The following AIG1 variants were observed in gnomAD, a reference collection of about 807,000 sequenced individuals.
AIG1 encodes the protein androgen-induced gene 1 protein.
In AIG1, 23 loss-of-function variants were observed where a neutral mutation model predicts 31.4. That is an observed-to-expected ratio of 0.73 (90% CI 0.53 to 1.04). The LOEUF (loss-of-function observed/expected upper bound fraction) is 1.04. Ranked by LOEUF, AIG1 falls within the 50% of genes least tolerant of loss-of-function variation. AIG1 has a pLI of 0.00. For synonymous variants in AIG1, 100 were observed against 110.5 expected (o/e 0.90, Z 0.60); for missense variants, 274 against 295.0 (o/e 0.93, Z 0.52).
At chr6:143,101,679 G>T (rs567221522) in intron 1 of AIG1, among the ~76,000 whole-genome samples, 6 of 152,116 alleles carry the variant, frequency 3.9e-5, no homozygotes, top group African/African-American at 1.4e-4. Context: ...GTGGGTGAGG[G>T]ATAAAAGACT....
chr6:143,139,524 T>G (rs1784077186), intron 2 of AIG1, among the ~76,000 whole-genome samples: 1 of 152,204 alleles, frequency 6.6e-6, no homozygotes, highest in African/African-American at 2.4e-5. Context: ...TAACTCATTT[T>G]TTTTTTGCCC....
At chr6:143,224,887 C>G (rs920576013) in intron 3 of AIG1, among the ~76,000 whole-genome samples, 1 of 152,134 alleles carries the variant, frequency 6.6e-6, no homozygotes, top group Non-Finnish European at 1.5e-5. Context: ...ATTCCATGTA[C>G]GTTTGCCAGA....
At chr6:143,165,421 G>T (rs930742629) in intron 3 of AIG1, among the ~76,000 whole-genome samples, 1 of 152,180 alleles carries the variant, frequency 6.6e-6, no homozygotes, top group African/African-American at 2.4e-5. Context: ...AGATTATTAA[G>T]GTTGGTGTGT....
intron 2 of AIG1, among the ~76,000 whole-genome samples, chr6:143,143,520 A>AG (rs1412508697): frequency 1.1e-5 from 1 of 92,278 alleles, no homozygotes; most frequent in Non-Finnish European, 2.0e-5. Flanking sequence ...AAAAAAAAAA[A>AG]AAAAAAAAAT....
intron 3 of AIG1, chr6:143,187,312 T>G: frequency 8.1e-7 from 1 of 1,241,054 alleles, no homozygotes; most frequent in Non-Finnish European, 1.1e-6. Context: ...TTCACACATA[T>G]GGCAAATATG....
At chr6:143,337,497 G>A (rs73000105) in intron 5 of AIG1, among the ~76,000 whole-genome samples, 7,398 of 152,090 alleles carry the variant, frequency 0.049, 218 homozygotes, top group African/African-American at 0.075. Flanking sequence ...TGGAGCGCGG[G>A]GGGGGACACA....
intron 1 of AIG1, among the ~76,000 whole-genome samples, chr6:143,098,300 TCA>T (rs1779969937): frequency 6.6e-6 from 1 of 152,174 alleles, no homozygotes. Context: ...CTTACATAAC[TCA>T]CAGGAATGAC....
chr6:143,060,551 C>G (rs1776125706), upstream of AIG1: 1 of 320,974 alleles, frequency 3.1e-6, no homozygotes, highest in Admixed American at 3.6e-5. Context: ...ACTTCCCGAG[C>G]CCTCGTAGCA....
At chr6:143,281,757 C>T (rs1376203496) in intron 3 of AIG1, among the ~76,000 whole-genome samples, 1 of 152,134 alleles carries the variant, frequency 6.6e-6, no homozygotes, top group South Asian at 2.1e-4. Context: ...GAGGGAGATA[C>T]ACAGTCTTTA....
At chr6:143,111,451 CTCTT>C (rs1421465335) in intron 1 of AIG1, among the ~76,000 whole-genome samples, 1 of 152,200 alleles carries the variant, frequency 6.6e-6, no homozygotes, top group African/African-American at 2.4e-5. Context: ...ACCTCTCTGA[CTCTT>C]TCTCAGGCTG....
At chr6:143,228,637 A>G (rs1290559655) in intron 3 of AIG1, among the ~76,000 whole-genome samples, 1 of 152,216 alleles carries the variant, frequency 6.6e-6, no homozygotes, top group Admixed American at 6.5e-5. Context: ...ATTTACTTGG[A>G]CAAACGAGAG....
chr6:143,248,038 T>G (rs566385520), intron 3 of AIG1, among the ~76,000 whole-genome samples: 4 of 152,358 alleles, frequency 2.6e-5, no homozygotes, highest in Admixed American at 6.5e-5. Context: ...TGAGCCATGC[T>G]GAGCATCAGT....
intron 2 of AIG1, among the ~76,000 whole-genome samples, chr6:143,156,598 G>A (rs1240874112): frequency 6.6e-6 from 1 of 152,184 alleles, no homozygotes; most frequent in African/African-American, 2.4e-5. Flanking sequence ...TACGTGAATG[G>A]TGTTGTCTTA....
chr6:143,214,928 G>A (rs1282062831), intron 3 of AIG1, among the ~76,000 whole-genome samples: 1 of 152,114 alleles, frequency 6.6e-6, no homozygotes, highest in Non-Finnish European at 1.5e-5. Context: ...CCTTTCCTAT[G>A]TGCTTTCCAT....
At chr6:143,312,155 A>G (rs1010183561) in intron 4 of AIG1, among the ~76,000 whole-genome samples, 7 of 152,112 alleles carry the variant, frequency 4.6e-5, no homozygotes, top group African/African-American at 1.2e-4. Flanking sequence ...TACAGATTCA[A>G]TTCAATCCCT....
Position 143,335,339 on chromosome 6 carries a change from C to T in AIG1, c.679+1894C>T, listed in dbSNP as rs549777413. 6.5e-5 allele frequency: 19 copies of T among 292,130 alleles called. No individual in the cohort carries two copies. The East Asian group carries it at 1.0e-3, about 15-fold the overall frequency. The allele number at this position is 292,130 out of a possible 1,614,324, so 18.1% of individuals were successfully genotyped here. On this transcript the variant is annotated intron_variant, in intron 5 of 5. Coordinates refer to ENST00000357847, the MANE Select transcript of AIG1 (RefSeq NM_016108.4). ...ACGAGGTCAAGAGATGGAGACCATC[C>T]TGGCCAACATGGTGAAATCCCATCT...
At chr6:143,309,455 T>TTA (rs1331902465) in intron 4 of AIG1, among the ~76,000 whole-genome samples, 1 of 152,002 alleles carries the variant, frequency 6.6e-6, no homozygotes, top group Non-Finnish European at 1.5e-5. Flanking sequence ...TATTAGCTGA[T>TTA]TATAGTATAG....
intron 3 of AIG1, among the ~76,000 whole-genome samples, chr6:143,171,477 A>T (rs112825076): frequency 5.8e-5 from 7 of 120,988 alleles, no homozygotes; most frequent in South Asian, 2.3e-4. Flanking sequence ...TAATATATAT[A>T]ATATATATTA....
intron 1 of AIG1, among the ~76,000 whole-genome samples, chr6:143,115,949 T>C (rs1781695968): frequency 6.6e-6 from 1 of 152,166 alleles, no homozygotes; most frequent in Non-Finnish European, 1.5e-5. Flanking sequence ...CATGACATAG[T>C]TTTATGACTT....
Sources: allele counts gnomAD v4.1 joint callset (sites outside exome capture counted in the v4.1 genomes callset), GRCh38; gene constraint gnomAD v4.1.1; transcripts MANE v1.5; gene names NCBI Gene and HGNC (gene_info 2026-07-23, HGNC 2026-07-21).